SERHL2: variants seen among roughly 807,000 people sequenced by gnomAD.
SERHL2 encodes serine hydrolase-like protein 2.
In SERHL2, 29 loss-of-function variants were observed where a neutral mutation model predicts 25.5. The observed-to-expected ratio is 1.14, with a 90% CI of 0.85 to 1.55. The LOEUF is 1.55. Ranked by LOEUF, SERHL2 falls within the 40% of genes most tolerant of loss-of-function variation. The pLI, the probability that SERHL2 is intolerant of heterozygous loss-of-function variation, is 0.00. For synonymous variants in SERHL2, 95 were observed against 103.5 expected (o/e 0.92, Z 0.50); for missense variants, 240 against 252.3 (o/e 0.95, Z 0.33).
chr22:42,572,531 T>A lies in SERHL2; in HGVS notation c.825+2T>A, dbSNP rs145830635. 1,128 of 1,611,350 alleles carry A rather than the reference T, an allele frequency of 7.0e-4. 12 individuals carry two copies. The highest frequency in any genetic ancestry group is 8.9e-4 in the Non-Finnish European group (1,043 of 1,178,256). On this transcript the variant is annotated splice_donor_variant, in intron 11 of 11. Transcript: ENST00000327678. LOFTEE classifies it high-confidence loss of function. ...ACGATGAAATCCACCCTCAAAGAGG[T>A]AAGACGGGGCTCAGGCAGCTGGTGT...
intron 8 of SERHL2, 127 bp from the exon 9 acceptor site, chr22:42,566,177 C>T (rs886094696): frequency 2.5e-5 from 22 of 879,662 alleles, no homozygotes; most frequent in South Asian, 8.8e-5. Context: ...CAGCTGAGGA[C>T]GTCGGGGGCA....
At chr22:42,556,428 C>T (rs555653790) in intron 5 of SERHL2, 86 bp from the exon 6 acceptor site, 29 of 1,530,330 alleles carry the variant, frequency 1.9e-5, no homozygotes, top group South Asian at 9.7e-5. Flanking sequence ...AAAGATGTTT[C>T]GGGGAACTCC....
At position 42,560,151 on chromosome 22, in the gene SERHL2, C is replaced by T. The variant is rs773380010; in HGVS notation, c.534-35C>T. On this transcript the variant is annotated intron_variant, in intron 7 of 11. Transcript: ENST00000327678. ...TTTATCTGACCTCCTTTTTATTGGC[C>T]TCCAGGCACCCAGCATCCTTCTGTC... 3.2e-6 allele frequency: 5 copies of T among 1,551,992 alleles called. No homozygotes were observed. In the Admixed American group the frequency reaches 6.7e-5, roughly 21 times the overall value.
At chr22:42,569,015 G>A (rs1923787441) in intron 9 of SERHL2, 1 of 151,808 alleles carries the variant, frequency 6.6e-6, no homozygotes, top group Non-Finnish European at 1.5e-5. Context: ...CCAAGTAGCT[G>A]AGATTACAGG....
At chr22:42,561,116 C>T (rs560723430) in intron 8 of SERHL2, among the ~76,000 whole-genome samples, 2 of 151,880 alleles carry the variant, frequency 1.3e-5, no homozygotes, top group Non-Finnish European at 2.9e-5. Flanking sequence ...GGTGAACAGG[C>T]ACATGAGTGG....
Position 42,574,187 on chromosome 22 carries a change from T to G in SERHL2, c.*132T>G. ...AGTCTTGAGGCCCAGCCTAGGATGG[T>G]AGTCAGGGGAAGGAGCGAGATTCCA... On this transcript the variant is annotated 3_prime_UTR_variant, in exon 12 of 12. Coordinates refer to ENST00000327678, the MANE Select transcript of SERHL2 (RefSeq NM_014509.5). The G allele has an allele frequency of 1.3e-6, 1 of 766,540 alleles. No homozygotes were observed. The allele number at this position is 766,540 out of a possible 1,614,324, so 47.5% of individuals were successfully genotyped here. A position where few individuals can be genotyped will look rare whatever the true frequency, so the allele number is the denominator to read the frequency against.
intron 8 of SERHL2, among the ~76,000 whole-genome samples, 191 bp downstream of exon 8, chr22:42,560,456 G>C (rs1922551675): frequency 6.6e-6 from 1 of 151,926 alleles, no homozygotes; most frequent in African/African-American, 2.4e-5. Context: ...AAGCAACCCG[G>C]GTGAGGCCAT....
chr22:42,574,243 C>G lies in SERHL2; in HGVS notation c.*188C>G. 1.7e-6 allele frequency: 1 copy of G among 598,262 alleles called. No homozygotes were observed. The highest frequency in any genetic ancestry group is 2.9e-6 in the Non-Finnish European group (1 of 339,138). The allele number at this position is 598,262 out of a possible 1,614,324, so 37.1% of individuals were successfully genotyped here. On this transcript the variant is annotated 3_prime_UTR_variant, in exon 12 of 12. Coordinates refer to ENST00000327678, the MANE Select transcript of SERHL2 (RefSeq NM_014509.5). ...AACATCTGTGACCTCAAGGGGGAGA[C>G]AGAGTCTGGGTTCCAGGGCTGCTTT...
At chr22:42,567,461 G>C (rs919757750) in intron 9 of SERHL2, among the ~76,000 whole-genome samples, 1 of 150,952 alleles carries the variant, frequency 6.6e-6, no homozygotes, top group Non-Finnish European at 1.5e-5. Context: ...TCAGGAGATC[G>C]AGACCATCCT....
intron 9 of SERHL2, among the ~76,000 whole-genome samples, chr22:42,566,563 AAAAAAC>A (rs948338907): frequency 2.6e-5 from 4 of 151,508 alleles, no homozygotes; most frequent in African/African-American, 9.7e-5. Flanking sequence ...CTCAAGAAAA[AAAAAAC>A]AAAAGAAATT....
chr22:42,571,835 CGTGTT>C (rs1331648080), intron 10 of SERHL2: 4 of 152,978 alleles, frequency 2.6e-5, no homozygotes, highest in Admixed American at 1.9e-4. Flanking sequence ...CAACCGTCTA[CGTGTT>C]GTATGGCTGC....
chr22:42,567,233 G>A (rs1211567371), intron 9 of SERHL2, among the ~76,000 whole-genome samples: 2 of 152,092 alleles, frequency 1.3e-5, no homozygotes, highest in Admixed American at 6.5e-5. Context: ...GCCAAGAGAT[G>A]AGGCTTGGAC....
At chr22:42,569,102 C>G (rs1301431970) in intron 9 of SERHL2, 1 of 151,406 alleles carries the variant, frequency 6.6e-6, no homozygotes, top group Admixed American at 6.6e-5. Context: ...AGGCTGGTTT[C>G]GAACTCCTGA....
intron 8 of SERHL2, among the ~76,000 whole-genome samples, chr22:42,564,776 T>A (rs116509799): frequency 6.6e-6 from 1 of 151,882 alleles, no homozygotes; most frequent in African/African-American, 2.4e-5. Context: ...CATGGCTCTT[T>A]TACAGAGTTT....
intron 8 of SERHL2, among the ~76,000 whole-genome samples, chr22:42,565,930 C>T (rs1387964250): frequency 6.6e-6 from 1 of 151,972 alleles, no homozygotes; most frequent in African/African-American, 2.4e-5. Context: ...CTCAGCTCAC[C>T]ACAACCAGTG....
intron 9 of SERHL2, among the ~76,000 whole-genome samples, chr22:42,567,438 G>A (rs1347720890): frequency 6.6e-6 from 1 of 151,776 alleles, no homozygotes; most frequent in Non-Finnish European, 1.5e-5. Context: ...GCCGAGGCGG[G>A]TGGATCACAA....
chr22:42,571,175 A>C lies in SERHL2; in HGVS notation c.703A>C (p.Lys235Gln), dbSNP rs765926455. ...SRELCAHSIR[K>Q]LQAHVLLIKA... ...GGAGCTGTGTGCGCATTCCATCAGG[A>C]AGCTGCAGGCCCATGTCCTGTTGAT... The change falls in exon 10 of 12, where the codon AAG becomes CAG. Residue 235 changes from lysine to glutamine, a missense_variant. This residue lies in a region of SERHL2 where 212 missense variants were observed against 168.9 expected (regional missense o/e 1.25). Transcript: ENST00000327678. 6 of 1,613,456 alleles carry C rather than the reference A, an allele frequency of 3.7e-6. No individual in the cohort carries two copies. In the South Asian group the frequency reaches 6.6e-5, roughly 18 times the overall value.
intron 8 of SERHL2, among the ~76,000 whole-genome samples, chr22:42,564,751 G>T (rs956356691): frequency 6.6e-6 from 1 of 151,812 alleles, no homozygotes; most frequent in South Asian, 2.1e-4. Context: ...CGCATCTGAC[G>T]GGACCGTCTC....
rs1924135024 is a variant in SERHL2, at chr22:42,571,216, C to A, written c.731+13C>A. On this transcript the variant is annotated intron_variant, in intron 10 of 11. Coordinates refer to ENST00000327678, the MANE Select transcript of SERHL2 (RefSeq NM_014509.5). ...TCCTGTTGATCAAGTAAGTCTGGAC[C>A]CATCCCCTTCAGCCACCCGCCAAGG... is the stretch of plus-strand genomic sequence containing the variant. The A allele has an allele frequency of 1.2e-6, 2 of 1,611,666 alleles. No individual in the cohort carries two copies. Among genetic ancestry groups the A allele is most frequent in the Non-Finnish European group, 1.7e-6 (2 of 1,178,936 alleles).
Sources: gnomAD v4.1 joint callset for allele counts (sites outside exome capture counted in the v4.1 genomes callset) on GRCh38, gnomAD v4.1.1 for gene constraint, gnomAD v4.1.1 regional missense constraint, MANE v1.5 for transcripts, NCBI Gene and HGNC (gene_info 2026-07-23, HGNC 2026-07-21) for gene names.